The following DPYD variants were observed in gnomAD, a reference collection of about 807,000 sequenced individuals.
The protein encoded by DPYD is dihydropyrimidine dehydrogenase.
Under a neutral mutation model 116.2 loss-of-function variants are expected in DPYD, and 109 were observed. The ratio of observed to expected loss-of-function variants is 0.94; its 90% CI spans 0.80 to 1.10. The LOEUF (loss-of-function observed/expected upper bound fraction) is 1.10. Among genes scored for constraint, DPYD ranks in the 50% least tolerant of loss-of-function variants. The pLI is 0.00. For synonymous variants in DPYD, 440 were observed against 432.0 expected (o/e 1.02, Z -0.23); for missense variants, 1,302 against 1,254.5 (o/e 1.04, Z -0.57).
At chr1:97,251,670 C>T (rs1040980747) in intron 18 of DPYD, among the ~76,000 whole-genome samples, 1 of 152,082 alleles carries the variant, frequency 6.6e-6, no homozygotes, top group Non-Finnish European at 1.5e-5. Context: ...TACACACACA[C>T]ACATTGTCAG....
rs374409862 is a variant in DPYD, at chr1:97,918,068, CTG to C, written c.39+2814_39+2815del. ...AAAGTCATCGTTGACAAAATTCAGACTGTATCCAAACAGTACACTCACAAAGC... is the reference window on the plus strand; with the variant it reads ...AAAGTCATCGTTGACAAAATTCAGACTATCCAAACAGTACACTCACAAAGC... On this transcript the variant is annotated intron_variant, in intron 1 of 22. Coordinates refer to ENST00000370192, the MANE Select transcript of DPYD (RefSeq NM_000110.4). Among the ~76,000 whole-genome samples, 41 of 152,240 alleles carry C rather than the reference CTG, an allele frequency of 2.7e-4. No individual in the cohort carries two copies. The South Asian group carries it at 3.1e-3, about 12-fold the overall frequency.
At chr1:97,633,219 G>T (rs1657374213) in intron 8 of DPYD, among the ~76,000 whole-genome samples, 1 of 152,040 alleles carries the variant, frequency 6.6e-6, no homozygotes, top group East Asian at 1.9e-4. Flanking sequence ...CAATAAGAAA[G>T]AAAAAGACTT....
chr1:97,609,151 T>C (rs1044037762), intron 8 of DPYD, among the ~76,000 whole-genome samples: 3 of 151,980 alleles, frequency 2.0e-5, no homozygotes, highest in African/African-American at 7.2e-5. Flanking sequence ...TATGATGACA[T>C]ATGGTTTTAG....
At chr1:97,804,297 T>G (rs2101349749) in intron 3 of DPYD, among the ~76,000 whole-genome samples, 1 of 151,796 alleles carries the variant, frequency 6.6e-6, no homozygotes, top group African/African-American at 2.4e-5. Flanking sequence ...TACTAAAAGA[T>G]TTTACTTTAC....
rs145998709 is a variant in DPYD at position 97,548,302 on chromosome 1, C to T, written c.1524+1258G>A. Among the ~76,000 whole-genome samples, 995 of 152,276 alleles carry T rather than the reference C, an allele frequency of 6.5e-3. 7 individuals are homozygous for T. The highest frequency in any genetic ancestry group is 0.022 in the African/African-American group (930 of 41,552). On this transcript the variant is annotated intron_variant, in intron 12 of 22. Coordinates refer to ENST00000370192, the MANE Select transcript of DPYD (RefSeq NM_000110.4). ...ACAAAAAGAAAACAAAGCATTTAGT[C>T]GGAAAGTAAGCTACTGAGATCTGGT...
intron 16 of DPYD, among the ~76,000 whole-genome samples, chr1:97,347,355 A>G (rs1034955622): frequency 6.6e-6 from 1 of 151,942 alleles, no homozygotes; most frequent in Non-Finnish European, 1.5e-5. Context: ...TCTACCAAAC[A>G]TATTTTCCGT....
At chr1:97,850,201 T>C (rs780228796) in intron 2 of DPYD, among the ~76,000 whole-genome samples, 16 of 152,172 alleles carry the variant, frequency 1.1e-4, no homozygotes, top group Non-Finnish European at 1.9e-4. Flanking sequence ...ACAGAATATT[T>C]TGAGTTTGAA....
intron 13 of DPYD, among the ~76,000 whole-genome samples, chr1:97,489,698 A>G (rs1407597776): frequency 1.3e-5 from 2 of 152,212 alleles, no homozygotes; most frequent in Non-Finnish European, 2.9e-5. Context: ...TACTTCTGTT[A>G]CATGCTACAA....
chr1:97,238,909 C>T lies in DPYD; in HGVS notation c.2300-3915G>A, dbSNP rs1320418852. ...GGGAATTCAGTTACATCAAGCCATT[C>T]TGCTTCAACTGTGTGGAATCCTCCA... On this transcript the variant is annotated intron_variant, in intron 18 of 22. Transcript: ENST00000370192. 3.3e-5 allele frequency among the ~76,000 whole-genome samples: 5 copies of T among 152,198 alleles called. No individual in the cohort carries two copies. In the East Asian group the frequency reaches 5.8e-4, roughly 18 times the overall value.
Position 97,697,041 on chromosome 1 carries a change from G to A in DPYD, c.680+2310C>T, listed in dbSNP as rs191797668. On this transcript the variant is annotated intron_variant, in intron 6 of 22. Transcript: ENST00000370192. ...AAGAGAAAAATCAGAATGTATATAT[G>A]TACAAACATTCTTGAAAATCTATTA... Among the ~76,000 whole-genome samples the A allele has an allele frequency of 3.7e-3, 557 of 152,154 alleles. 1 individual carries two copies. Among genetic ancestry groups the A allele is most frequent in the Non-Finnish European group, 5.9e-3 (398 of 67,936 alleles).
At chr1:97,311,652 T>G (rs1667527065) in intron 16 of DPYD, among the ~76,000 whole-genome samples, 2 of 151,650 alleles carry the variant, frequency 1.3e-5, no homozygotes, top group South Asian at 4.1e-4. Context: ...GTTCAAAATA[T>G]CCATAGTAGC....
intron 4 of DPYD, among the ~76,000 whole-genome samples, chr1:97,732,353 T>C (rs945233376): frequency 4.0e-5 from 6 of 151,632 alleles, no homozygotes; most frequent in Admixed American, 3.3e-4. Context: ...CACACGCCTG[T>C]AGTCTCAGCT....
At chr1:97,899,829 C>G (rs1022426098) in intron 1 of DPYD, among the ~76,000 whole-genome samples, 5 of 151,896 alleles carry the variant, frequency 3.3e-5, no homozygotes, top group Admixed American at 2.0e-4. Flanking sequence ...CACAGATACT[C>G]CTGAATAAAT....
chr1:97,593,155 A>G (rs1180679680), intron 10 of DPYD, 63 bp downstream of exon 10: 5 of 1,563,822 alleles, frequency 3.2e-6, no homozygotes, highest in Non-Finnish European at 4.4e-6. Context: ...TTAAACATTA[A>G]CAGTTTCATC....
intron 13 of DPYD, among the ~76,000 whole-genome samples, chr1:97,482,730 T>C (rs1485681331): frequency 6.6e-6 from 1 of 152,132 alleles, no homozygotes; most frequent in Non-Finnish European, 1.5e-5. Flanking sequence ...AATAGGCCAG[T>C]TACTTTTGTA....
At chr1:97,593,993 A>G (rs1007790858) in intron 9 of DPYD, among the ~76,000 whole-genome samples, 5 of 152,204 alleles carry the variant, frequency 3.3e-5, no homozygotes, top group African/African-American at 1.2e-4. Flanking sequence ...ACTGGGCAGT[A>G]AAAGAAATAT....
intron 20 of DPYD, among the ~76,000 whole-genome samples, chr1:97,186,763 C>A (rs1044319733): frequency 6.6e-6 from 1 of 152,098 alleles, no homozygotes; most frequent in Non-Finnish European, 1.5e-5. Context: ...CCATGAGAAT[C>A]GCTTGAATCT....
intron 16 of DPYD, among the ~76,000 whole-genome samples, chr1:97,365,726 C>G (rs766978759): frequency 1.1e-4 from 16 of 152,180 alleles, no homozygotes; most frequent in Non-Finnish European, 2.4e-4. Flanking sequence ...CTCTCAGGCT[C>G]AAGTGATCCT....
chr1:97,816,844 C>T (rs966630017), intron 3 of DPYD, among the ~76,000 whole-genome samples: 2 of 152,036 alleles, frequency 1.3e-5, no homozygotes, highest in Non-Finnish European at 2.9e-5. Context: ...AAAGAACAGC[C>T]TAGAAATTAG....
Sources: allele counts gnomAD v4.1 joint callset (sites outside exome capture counted in the v4.1 genomes callset), GRCh38; gene constraint gnomAD v4.1.1; transcripts MANE v1.5; gene names NCBI Gene and HGNC (gene_info 2026-07-23, HGNC 2026-07-21).